EPHA6: variants seen among roughly 807,000 people sequenced by gnomAD.
The protein encoded by EPHA6 is ephrin type-A receptor 6.
A neutral mutation model predicts 112.0 loss-of-function variants in EPHA6; 50 were observed. The observed-to-expected ratio is 0.45, with a 90% CI of 0.36 to 0.56. The LOEUF (loss-of-function observed/expected upper bound fraction) is 0.56, where lower values mean the gene tolerates loss of function less well. Ranked by LOEUF, EPHA6 falls within the 20% of genes least tolerant of loss-of-function variation. The probability of loss-of-function intolerance (pLI) is 0.00; values close to 1 mark genes in which losing one functional copy is unlikely to be tolerated. For missense variants in EPHA6, 1,280 were observed against 1,417.4 expected (o/e 0.90, Z 1.56); for synonymous variants, 529 against 490.7 (o/e 1.08, Z -1.03).
chr3:97,261,441 A>T (rs970747522), intron 5 of EPHA6, among the ~76,000 whole-genome samples: 1 of 152,190 alleles, frequency 6.6e-6, no homozygotes, highest in African/African-American at 2.4e-5. Context: ...ACATGAACTT[A>T]TGGCAGATGT....
chr3:97,464,634 A>G (rs748786334), intron 7 of EPHA6, among the ~76,000 whole-genome samples: 51 of 152,102 alleles, frequency 3.4e-4, no homozygotes, highest in Non-Finnish European at 3.5e-4. Context: ...AGAGTCCCCC[A>G]CCACAGGATA....
intron 5 of EPHA6, among the ~76,000 whole-genome samples, chr3:97,324,076 A>G (rs1358512028): frequency 6.6e-6 from 1 of 151,974 alleles, no homozygotes; most frequent in African/African-American, 2.4e-5. Context: ...CCTCTTCCAA[A>G]GCATACTTAG....
chr3:96,946,319 C>A (rs553836579), intron 2 of EPHA6, among the ~76,000 whole-genome samples: 40 of 151,872 alleles, frequency 2.6e-4, no homozygotes, highest in Non-Finnish European at 4.1e-4. Flanking sequence ...GCTATCCCTC[C>A]CCCCCTTCCC....
chr3:97,653,953 G>A (rs1219620397), intron 14 of EPHA6, among the ~76,000 whole-genome samples: 1 of 151,932 alleles, frequency 6.6e-6, no homozygotes, highest in African/African-American at 2.4e-5. Context: ...CATAGAAGCA[G>A]AGTAGAATGG....
At chr3:97,209,038 T>C (rs1463755971) in intron 3 of EPHA6, among the ~76,000 whole-genome samples, 1 of 152,314 alleles carries the variant, frequency 6.6e-6, no homozygotes, top group African/African-American at 2.4e-5. Flanking sequence ...TAATTTTGAC[T>C]AATAAGTGTA....
At chr3:97,365,396 C>A (rs1177337233) in intron 5 of EPHA6, among the ~76,000 whole-genome samples, 2 of 145,734 alleles carry the variant, frequency 1.4e-5, no homozygotes, top group African/African-American at 2.5e-5. Flanking sequence ...ATCATAAAGA[C>A]TTTTTTTTTT....
At chr3:97,281,191 CAA>C (rs1173689055) in intron 5 of EPHA6, among the ~76,000 whole-genome samples, 1 of 121,676 alleles carries the variant, frequency 8.2e-6, no homozygotes, top group Non-Finnish European at 1.7e-5. Flanking sequence ...ATCATTAATT[CAA>C]AGAGTCTATG....
At chr3:96,979,560 A>C (rs1000465409) in intron 2 of EPHA6, among the ~76,000 whole-genome samples, 2 of 152,212 alleles carry the variant, frequency 1.3e-5, no homozygotes, top group Non-Finnish European at 2.9e-5. Context: ...CTTTGGGTAT[A>C]TACCCAGTAA....
rs532104947 is a variant in EPHA6, at chr3:97,587,844, T to C, written c.2387-4768T>C. Among the ~76,000 whole-genome samples, 386 of 152,278 alleles carry C rather than the reference T, an allele frequency of 2.5e-3. 4 individuals carry two copies. Among genetic ancestry groups the C allele is most frequent in the African/African-American group, 9.1e-3 (377 of 41,572 alleles). On this transcript the variant is annotated intron_variant, in intron 11 of 17. Transcript: ENST00000389672. Reference sequence around the variant, plus strand: ...CACTATGTAAGAAACAACATGGTCTTCTAGGATCACTGTGTTGGGCCAGGT... The same window carrying C: ...CACTATGTAAGAAACAACATGGTCTCCTAGGATCACTGTGTTGGGCCAGGT...
chr3:96,960,851 G>T (rs1222407595), intron 2 of EPHA6, among the ~76,000 whole-genome samples: 5 of 152,106 alleles, frequency 3.3e-5, no homozygotes, highest in African/African-American at 7.2e-5. Context: ...TAAATTCTGA[G>T]TCATAGGTGA....
rs9873513 is a variant in EPHA6 at position 97,663,382 on chromosome 3, C to T, written c.2784+25300C>T. On this transcript the variant is annotated intron_variant, in intron 14 of 17. Transcript: ENST00000389672. ...TAAGTTTTAGGGTACATGTGCACAA[C>T]GTGCAGGTTTGTTACATATGTATAC... 3.1e-3 allele frequency among the ~76,000 whole-genome samples: 466 copies of T among 151,504 alleles called. 2 individuals carry two copies. Among genetic ancestry groups the T allele is most frequent in the African/African-American group, 0.01 (424 of 41,282 alleles).
chr3:97,446,635 T>C (rs2090355445), intron 6 of EPHA6, among the ~76,000 whole-genome samples: 1 of 152,146 alleles, frequency 6.6e-6, no homozygotes, highest in Admixed American at 6.5e-5. Context: ...GCACTCAAAA[T>C]GCACCATAAC....
intron 12 of EPHA6, among the ~76,000 whole-genome samples, chr3:97,602,272 T>C (rs2107413745): frequency 6.6e-6 from 1 of 152,020 alleles, no homozygotes; most frequent in South Asian, 2.1e-4. Context: ...AATCTGAAGG[T>C]TTTTCCAATC....
At chr3:97,665,151 C>T (rs1252595134) in intron 14 of EPHA6, among the ~76,000 whole-genome samples, 1 of 152,090 alleles carries the variant, frequency 6.6e-6, no homozygotes, top group Non-Finnish European at 1.5e-5. Flanking sequence ...ACAGAGCCCT[C>T]AGAAATAATA....
intron 5 of EPHA6, among the ~76,000 whole-genome samples, chr3:97,372,881 T>G (rs1289090078): frequency 1.3e-5 from 2 of 152,056 alleles, no homozygotes; most frequent in Non-Finnish European, 2.9e-5. Context: ...ACGAGATAAT[T>G]TGATCAAGGA....
chr3:97,477,453 G>A (rs561214805), intron 8 of EPHA6, among the ~76,000 whole-genome samples: 1,760 of 104,482 alleles, frequency 0.017, 35 homozygotes, highest in African/African-American at 0.075. Flanking sequence ...AAGGGAAGGG[G>A]AGGGGAGGGG....
chr3:96,965,203 A>G (rs924265651), intron 2 of EPHA6, among the ~76,000 whole-genome samples: 2 of 152,104 alleles, frequency 1.3e-5, no homozygotes, highest in African/African-American at 4.8e-5. Flanking sequence ...TTAGTTTTCA[A>G]TCTTGTCTGC....
chr3:97,262,865 C>T (rs1348174330), intron 5 of EPHA6, among the ~76,000 whole-genome samples: 2 of 152,130 alleles, frequency 1.3e-5, no homozygotes, highest in East Asian at 3.9e-4. Context: ...AAACTTGGCT[C>T]ATTCTAGGCA....
chr3:96,861,104 T>C (rs767805070), intron 1 of EPHA6, among the ~76,000 whole-genome samples: 3 of 152,078 alleles, frequency 2.0e-5, no homozygotes, highest in Non-Finnish European at 4.4e-5. Flanking sequence ...TAGCAGGTTT[T>C]AGGAATGATT....
Sources: allele counts gnomAD v4.1 joint callset (sites outside exome capture counted in the v4.1 genomes callset), GRCh38; gene constraint gnomAD v4.1.1; transcripts MANE v1.5; gene names NCBI Gene and HGNC (gene_info 2026-07-23, HGNC 2026-07-21).